CACNA1D: variants seen among roughly 807,000 people sequenced by gnomAD.
CACNA1D encodes the protein voltage-dependent L-type calcium channel subunit alpha-1D.
A neutral mutation model predicts 257.1 loss-of-function variants in CACNA1D; 55 were observed. The ratio of observed to expected loss-of-function variants is 0.21; its 90% confidence interval spans 0.17 to 0.27. The LOEUF is 0.27. Ranked by LOEUF, CACNA1D falls within the 10% of genes least tolerant of loss-of-function variation. CACNA1D has a pLI of 1.00. For synonymous variants in CACNA1D, 980 were observed against 1,014.9 expected (o/e 0.97, Z 0.65); for missense variants, 1,876 against 2,784.0 (o/e 0.67, Z 7.34).
chr3:53,636,470 A>AT (rs2093885441), intron 3 of CACNA1D, among the ~76,000 whole-genome samples: 1 of 151,856 alleles, frequency 6.6e-6, no homozygotes, highest in South Asian at 2.1e-4. Flanking sequence ...CGCCCGGCTA[A>AT]TTTTTTTGTA....
chr3:53,782,264 G>GTGTGTATATATATATATATATATA (rs6147823), intron 39 of CACNA1D: 18 of 75,444 alleles, frequency 2.4e-4, no homozygotes, highest in African/African-American at 1.9e-4. Flanking sequence ...GTGTGTGTGT[G>GTGTGTATATATATATATATATATA]TATATATATA....
intron 3 of CACNA1D, among the ~76,000 whole-genome samples, chr3:53,557,261 G>C (rs1044803645): frequency 6.6e-6 from 1 of 152,148 alleles, no homozygotes; most frequent in Admixed American, 6.5e-5. Context: ...TTGGGAGTCC[G>C]AGGAGGGCGG....
At chr3:53,587,253 G>A (rs2093233922) in intron 3 of CACNA1D, among the ~76,000 whole-genome samples, 1 of 152,184 alleles carries the variant, frequency 6.6e-6, no homozygotes, top group Non-Finnish European at 1.5e-5. Flanking sequence ...TGTTCGTGCT[G>A]TAGACTCTGG....
At chr3:53,719,278 A>G (rs1197437984) in intron 10 of CACNA1D, among the ~76,000 whole-genome samples, 1 of 152,186 alleles carries the variant, frequency 6.6e-6, no homozygotes, top group African/African-American at 2.4e-5. Context: ...GCCCTCTCTG[A>G]GACATCATGA....
chr3:53,677,746 C>T (rs949947903), intron 8 of CACNA1D, among the ~76,000 whole-genome samples: 18 of 152,188 alleles, frequency 1.2e-4, no homozygotes, highest in South Asian at 6.2e-4. Flanking sequence ...TGTTTTTTTG[C>T]ACAAATTGAG....
At position 53,750,714 on chromosome 3, in the gene CACNA1D, G is replaced by A. The variant is rs1455405275; in HGVS notation, c.3517-1035G>A. 2.6e-5 allele frequency among the ~76,000 whole-genome samples: 4 copies of A among 152,172 alleles called. No individual in the cohort carries two copies. The East Asian group carries it at 7.7e-4, about 29-fold the overall frequency. ...AAAGTGTGTCAGCCTCTGAGGTCCA[G>A]CACAGGCTTGAATTGGGGGTCCCTG... On this transcript the variant is annotated intron_variant, in intron 27 of 47. Coordinates refer to ENST00000350061, the MANE Select transcript of CACNA1D (RefSeq NM_001128840.3).
In CACNA1D at chr3:53,803,452, C is replaced by T; in HGVS notation, c.5465C>T (p.Thr1822Ile). 6.2e-7 allele frequency: 1 copy of T among 1,614,266 alleles called. No homozygotes were observed. The highest frequency in any genetic ancestry group is 2.2e-5 in the East Asian group (1 of 44,882). ...GACTCAGGAGATGAACAGCTCCCAACTATTTGCCGGGAAGACCCAGAGATA... is the reference window on the plus strand; with the variant it reads ...GACTCAGGAGATGAACAGCTCCCAATTATTTGCCGGGAAGACCCAGAGATA... The part of the protein sequence containing the change: ...RSDSGDEQLP[T>I]ICREDPEIHG... The change falls in exon 44 of 48, where the codon ACT (threonine) becomes ATT (isoleucine). Residue 1822 changes from threonine to isoleucine, a missense_variant. Physicochemically the swap from Thr to Ile is moderately conservative, Grantham distance 89. This residue lies in a region of CACNA1D where 491 missense variants were observed against 554.3 expected (regional missense o/e 0.89). Transcript: ENST00000350061.
In CACNA1D at chr3:53,678,715, G is replaced by A. The variant is rs560009866; in HGVS notation, c.1220+5589G>A. ...GGCAAAGATTCATGGGATGGAGAAT[G>A]TGAAGAGGGAAGGTGGTGCTGGTGC... On this transcript the variant is annotated intron_variant, in intron 8 of 47. Transcript: ENST00000350061. 3.9e-5 allele frequency among the ~76,000 whole-genome samples: 6 copies of A among 152,304 alleles called. No individual in the cohort carries two copies. The East Asian group carries it at 1.2e-3, about 29-fold the overall frequency.
In CACNA1D at chr3:53,723,468, C is replaced by T; in HGVS notation, c.1701C>T (p.Thr567=). 1 of 1,614,126 alleles carries T rather than the reference C, an allele frequency of 6.2e-7. No homozygotes were observed. Among genetic ancestry groups the T allele is most frequent in the African/African-American group, 1.3e-5 (1 of 75,018 alleles). Residue 567 remains threonine, a synonymous_variant, in exon 13 of 48, where the codon ACC becomes ACT. Transcript: ENST00000350061. This position sits in a 1 kb window ranked among gnomAD's most constrained non-coding sequence, Gnocchi z 5.6. ...ACAAAGTCCTCTTGGCTCTGTTCAC[C>T]TGCGAGATGCTGGTAAAAATGTACA... ...IANKVLLALF[T]CEMLVKMYSL...
chr3:53,668,781 C>T (rs975199168), intron 7 of CACNA1D, among the ~76,000 whole-genome samples: 6 of 152,164 alleles, frequency 3.9e-5, no homozygotes, highest in Non-Finnish European at 5.9e-5. Context: ...CAGCCATGGG[C>T]AATACATAAG....
chr3:53,617,296 G>C (rs368873247), intron 3 of CACNA1D, among the ~76,000 whole-genome samples: 384 of 152,226 alleles, frequency 2.5e-3, no homozygotes, highest in African/African-American at 7.2e-3. Context: ...GTCAGTGGGT[G>C]GGGTGGAGGT....
intron 43 of CACNA1D, among the ~76,000 whole-genome samples, chr3:53,803,111 A>AT (rs1020877791): frequency 3.9e-5 from 6 of 151,946 alleles, no homozygotes; most frequent in African/African-American, 9.7e-5. Flanking sequence ...CCCTAGGTCC[A>AT]TTTTTTTGTT....
At chr3:53,684,940 A>G (rs995845241) in intron 8 of CACNA1D, among the ~76,000 whole-genome samples, 6 of 152,184 alleles carry the variant, frequency 3.9e-5, no homozygotes, top group African/African-American at 1.4e-4. Context: ...AAAATGGAAT[A>G]TTAAATAGTA....
intron 27 of CACNA1D, 104 bp downstream of exon 27, chr3:53,749,573 G>A: frequency 2.5e-6 from 2 of 806,722 alleles, no homozygotes; most frequent in Admixed American, 1.8e-5. Context: ...CCCACATACT[G>A]TCTGTCCCTG....
At chr3:53,799,864 C>T in intron 40 of CACNA1D, 1 of 319,328 alleles carries the variant, frequency 3.1e-6, no homozygotes, top group African/African-American at 2.1e-5. Context: ...AGGCTGTGCT[C>T]CTTGCCCTGC....
rs1375880461 is a variant in CACNA1D at position 53,789,451 on chromosome 3, A to T, written c.4923+2499A>T. On this transcript the variant is annotated intron_variant, in intron 40 of 47. Transcript: ENST00000350061. This position sits in a 1 kb window ranked among gnomAD's most constrained non-coding sequence, Gnocchi z 4.2. ...ATTTGTTACTCCATGTTTAATTAGCATGAGTAGGCTTTCGTTTCTGCGTGA... is the reference window on the plus strand; with the variant it reads ...ATTTGTTACTCCATGTTTAATTAGCTTGAGTAGGCTTTCGTTTCTGCGTGA... Among the ~76,000 whole-genome samples the T allele has an allele frequency of 2.6e-5, 4 of 152,236 alleles. No individual in the cohort carries two copies. The highest frequency in any genetic ancestry group is 4.4e-5 in the Non-Finnish European group (3 of 68,040).
chr3:53,596,047 T>C (rs1270405846), intron 3 of CACNA1D, among the ~76,000 whole-genome samples: 1 of 152,148 alleles, frequency 6.6e-6, no homozygotes, highest in Non-Finnish European at 1.5e-5. Flanking sequence ...ACTTACTGCT[T>C]TAAATACCAA....
At chr3:53,640,086 T>C (rs1440313442) in intron 3 of CACNA1D, among the ~76,000 whole-genome samples, 1 of 152,090 alleles carries the variant, frequency 6.6e-6, no homozygotes, top group African/African-American at 2.4e-5. Context: ...GGTCTTGAAC[T>C]CATGATCTCA....
At chr3:53,732,482 C>A (rs931297046) in intron 18 of CACNA1D, among the ~76,000 whole-genome samples, 4 of 152,218 alleles carry the variant, frequency 2.6e-5, no homozygotes, top group Middle Eastern at 3.4e-3. Context: ...CTAGTCTGAG[C>A]GAGGAGGTTA....
Sources: gnomAD v4.1 joint callset for allele counts (sites outside exome capture counted in the v4.1 genomes callset) on GRCh38, gnomAD v4.1.1 for gene constraint, gnomAD v4.1.1 regional missense constraint, Gnocchi (gnomAD v3.1) non-coding constraint, MANE v1.5 for transcripts, NCBI Gene and HGNC (gene_info 2026-07-23, HGNC 2026-07-21) for gene names.